The following NPTX1 variants were observed in gnomAD, a reference collection of about 807,000 sequenced individuals.
NPTX1 encodes the protein neuronal pentraxin 1.
NPTX1 carries 12 observed loss-of-function variants against 38.7 expected under a neutral mutation model. That is an observed-to-expected ratio of 0.31 (90% CI 0.20 to 0.50). NPTX1 has a LOEUF of 0.50. Among genes scored for constraint, NPTX1 ranks in the 20% least tolerant of loss-of-function variants. The pLI is 0.98. For missense variants in NPTX1, 454 were observed against 592.2 expected (o/e 0.77, Z 2.42); for synonymous variants, 272 against 264.9 (o/e 1.03, Z -0.26).
Position 80,476,507 on chromosome 17 carries a change from G to T in NPTX1, c.-61C>A. On this transcript the variant is annotated 5_prime_UTR_variant, in exon 1 of 5. Coordinates refer to ENST00000306773, the MANE Select transcript of NPTX1 (RefSeq NM_002522.4). The surrounding 1 kb of genome is among the most constrained non-coding windows in gnomAD (Gnocchi z 6.3). ...CTCGGCTGGGGCTCGGCTCCGGCTGGGACCCGGCTCGGGCTGTGGCTCCGC... is the reference window on the plus strand; with the variant it reads ...CTCGGCTGGGGCTCGGCTCCGGCTGTGACCCGGCTCGGGCTGTGGCTCCGC... 9.9e-7 allele frequency: 1 copy of T among 1,012,496 alleles called. No homozygotes were observed. Among genetic ancestry groups the T allele is most frequent in the African/African-American group, 1.7e-5 (1 of 58,366 alleles). 62.7% of individuals were successfully genotyped at this position (1,012,496 alleles called of 1,614,324 possible). A position where few individuals can be genotyped will look rare whatever the true frequency, so the allele number is the denominator to read the frequency against.
Position 80,470,893 on chromosome 17 carries a change from T to C in NPTX1, c.1219A>G (p.Ile407Val). The change falls in exon 5 of 5, where the codon ATC becomes GTC. Residue 407 changes from isoleucine (I) to valine (V), a missense_variant. Transcript: ENST00000306773. ...CSTKALSGNV[I>V]AWAESHIEIY... ...TCGATGTGGGATTCAGCCCAGGCGA[T>C]GACATTGCCGGACAGAGCCTTGGTG... 1 of 1,613,128 alleles carries C rather than the reference T, an allele frequency of 6.2e-7. No individual in the cohort carries two copies. Among genetic ancestry groups the C allele is most frequent in the Non-Finnish European group, 8.5e-7 (1 of 1,179,276 alleles).
chr17:80,471,340 G>GCCCCTGC (rs2083840931), intron 4 of NPTX1, among the ~76,000 whole-genome samples: 1 of 152,184 alleles, frequency 6.6e-6, no homozygotes, highest in Admixed American at 6.5e-5. Flanking sequence ...TGGGCCTGGG[G>GCCCCTGC]CCCCTGCCCA....
chr17:80,471,629 G>A (rs2083842620), intron 4 of NPTX1, 103 bp downstream of exon 4: 2 of 1,486,494 alleles, frequency 1.3e-6, no homozygotes, highest in South Asian at 1.3e-5. Flanking sequence ...CTTCTCAGGG[G>A]AACCACTTCT....
At position 80,476,143 on chromosome 17, in the gene NPTX1, C is replaced by T; in HGVS notation, c.304G>A (p.Ala102Thr). ...TGCTTGCGGCCGCCGCCCGCCCGGG[C>T]CTCGCCGGCTCCGGGGTCCAGCGTG... ...QSTLDPGAGE[A>T]RAGGGRKQPG... The change falls in exon 1 of 5, where the codon GCC (alanine) becomes ACC (threonine). Residue 102 changes from alanine to threonine, a missense_variant. By Grantham distance (58) the Ala-to-Thr change is moderately conservative (BLOSUM62 0). Transcript: ENST00000306773. This position sits in a 1 kb window ranked among gnomAD's most constrained non-coding sequence, Gnocchi z 6.3. 1.3e-6 allele frequency: 2 copies of T among 1,596,990 alleles called. No homozygotes were observed. The highest frequency in any genetic ancestry group is 8.5e-7 in the Non-Finnish European group (1 of 1,176,144).
chr17:80,473,795 A>G (rs966399482), intron 2 of NPTX1: 1 of 304,538 alleles, frequency 3.3e-6, no homozygotes, highest in Non-Finnish European at 6.3e-6. Flanking sequence ...CGCCAAGCCA[A>G]GTCAACCCAA....
At chr17:80,472,047 C>T in intron 3 of NPTX1, 136 bp from the exon 4 acceptor site, 1 of 835,118 alleles carries the variant, frequency 1.2e-6, no homozygotes, top group Non-Finnish European at 1.8e-6. Context: ...TCTCACAGCA[C>T]CTACTGCCCC....
In NPTX1 at chr17:80,476,255, CG is replaced by C; in HGVS notation, c.191del (p.Thr64ArgfsTer10). The C allele has an allele frequency of 6.4e-7, 1 of 1,558,450 alleles. No homozygotes were observed. Among genetic ancestry groups the C allele is most frequent in the African/African-American group, 1.4e-5 (1 of 73,182 alleles). On this transcript the variant is annotated frameshift_variant, in exon 1 of 5. Transcript: ENST00000306773. LOFTEE classifies it high-confidence loss of function. This position sits in a 1 kb window ranked among gnomAD's most constrained non-coding sequence, Gnocchi z 6.3. The part of the protein sequence containing the change: ...LRSSVLQLRE[T>X]VLQQKETILS... ...GGATGGTCTCCTTCTGCTGCAGCAC[CG>C]TCTCGCGGAGCTGCAGCACGCTGCT...
In NPTX1 at chr17:80,475,764, C is replaced by T. The variant is rs780431730; in HGVS notation, c.445-46G>A. The T allele has an allele frequency of 2.7e-6, 4 of 1,465,346 alleles. No homozygotes were observed. The highest frequency in any genetic ancestry group is 3.8e-6 in the Non-Finnish European group (4 of 1,061,662). 90.8% of individuals were successfully genotyped at this position (1,465,346 alleles called of 1,614,324 possible). A position where few individuals can be genotyped will look rare whatever the true frequency, so the allele number is the denominator to read the frequency against. On this transcript the variant is annotated intron_variant, in intron 1 of 4. Coordinates refer to ENST00000306773, the MANE Select transcript of NPTX1 (RefSeq NM_002522.4). The surrounding 1 kb of genome is among the most constrained non-coding windows in gnomAD (Gnocchi z 6.5). Reference sequence around the variant, plus strand: ...GGAAACCACACCGTTAGGCGAGGCGCGGGGACCGTGCTGGAAGGCCCGCGG... The same window carrying T: ...GGAAACCACACCGTTAGGCGAGGCGTGGGGACCGTGCTGGAAGGCCCGCGG...
chr17:80,473,116 A>G (rs2083851709), intron 3 of NPTX1, 84 bp downstream of exon 3: 1 of 1,507,250 alleles, frequency 6.6e-7, no homozygotes, highest in Admixed American at 1.9e-5. Flanking sequence ...ATCTGAGGCC[A>G]CCATAGCCCT....
chr17:80,473,182 G>GC lies in NPTX1; in HGVS notation c.897+17dup. The GC allele has an allele frequency of 6.2e-7, 1 of 1,608,822 alleles. No homozygotes were observed. The highest frequency in any genetic ancestry group is 1.3e-5 in the African/African-American group (1 of 75,036). On this transcript the variant is annotated intron_variant, in intron 3 of 4. Transcript: ENST00000306773. ...GGGGCCTCGCCCTGCCGCCCTGTGA[G>GC]CCCGGGGGCTGCTCTACCTTGTCAT...
chr17:80,476,053 G>C lies in NPTX1; in HGVS notation c.394C>G (p.Gln132Glu), dbSNP rs766815946. 6.2e-7 allele frequency: 1 copy of C among 1,609,062 alleles called. No individual in the cohort carries two copies. Among genetic ancestry groups the C allele is most frequent in the Admixed American group, 1.7e-5 (1 of 59,932 alleles). Reference protein sequence around the residue: ...SRTPAAETLSQLGQTLQSLKT... With the variant: ...SRTPAAETLSELGQTLQSLKT... ...AGCGATTGCAAAGTTTGCCCGAGTT[G>C]GCTGAGCGTCTCGGCGGCCGGTGTC... Residue 132 changes from glutamine (Q) to glutamate (E), a missense_variant, in exon 1 of 5, where the codon CAA (glutamine) becomes GAA (glutamate). Physicochemically the swap from Gln to Glu is conservative, Grantham distance 29. Around this residue, in one of 4 missense-constraint regions of NPTX1, gnomAD observed 288 missense variants for 318.4 expected, o/e 0.90. Transcript: ENST00000306773. The surrounding 1 kb of genome is among the most constrained non-coding windows in gnomAD (Gnocchi z 6.3).
rs544577828 is a variant in NPTX1 at position 80,470,706 on chromosome 17, G to A, written c.*107C>T. ...GTGCGTGTGCGTGTGCAGGGGCGACGGCCTCGGTTCATTCCTGGGGAAAAG... is the reference window on the plus strand; with the variant it reads ...GTGCGTGTGCGTGTGCAGGGGCGACAGCCTCGGTTCATTCCTGGGGAAAAG... On this transcript the variant is annotated 3_prime_UTR_variant, in exon 5 of 5. Transcript: ENST00000306773. The A allele has an allele frequency of 2.7e-4, 213 of 796,018 alleles. 1 individual carries two copies. The South Asian group carries it at 3.4e-3, about 13-fold the overall frequency. 49.3% of individuals were successfully genotyped at this position (796,018 alleles called of 1,614,324 possible).
chr17:80,475,635 C>T lies in NPTX1; in HGVS notation c.528G>A (p.Gln176=), dbSNP rs1372108616. 2 of 1,612,944 alleles carry T rather than the reference C, an allele frequency of 1.2e-6. No homozygotes were observed. Among genetic ancestry groups the T allele is most frequent in the African/African-American group, 2.7e-5 (2 of 74,938 alleles). Residue 176 remains glutamine (Q), a synonymous_variant, in exon 2 of 5, where the codon CAG becomes CAA. Coordinates refer to ENST00000306773, the MANE Select transcript of NPTX1 (RefSeq NM_002522.4). The surrounding 1 kb of genome is among the most constrained non-coding windows in gnomAD (Gnocchi z 6.5). ...LQSKIDELER[Q]VLSRVNTLEE... ...CCAGGGTGTTCACCCGGGACAGCAC[C>T]TGCCTCTCCAGCTCATCGATCTTGC...
In NPTX1 at chr17:80,475,571, T is replaced by C. The variant is rs2083875363; in HGVS notation, c.592A>G (p.Arg198Gly). 1 of 1,612,670 alleles carries C rather than the reference T, an allele frequency of 6.2e-7. No homozygotes were observed. Among genetic ancestry groups the C allele is most frequent in the African/African-American group, 1.3e-5 (1 of 74,882 alleles). Reference sequence around the variant, plus strand: ...GTCAGGGCGGTCTCGATCTTGACCCTCTCCTCGGTGTCGTTCCTGGGGCCC... The same window carrying C: ...GTCAGGGCGGTCTCGATCTTGACCCCCTCCTCGGTGTCGTTCCTGGGGCCC... ...KGGPRNDTEE[R>G]VKIETALTSL... The change falls in exon 2 of 5, where the codon AGG (arginine) becomes GGG (glycine). Residue 198 changes from arginine (R) to glycine (G), a missense_variant. Arg to Gly is a moderately radical substitution (Grantham distance 125). Coordinates refer to ENST00000306773, the MANE Select transcript of NPTX1 (RefSeq NM_002522.4). The surrounding 1 kb of genome is among the most constrained non-coding windows in gnomAD (Gnocchi z 6.5).
Position 80,475,950 on chromosome 17 carries a change from G to A in NPTX1, c.444+53C>T, listed in dbSNP as rs1286361130. 2 of 1,440,196 alleles carry A rather than the reference G, an allele frequency of 1.4e-6. No homozygotes were observed. 89.2% of individuals were successfully genotyped at this position (1,440,196 alleles called of 1,614,324 possible). A position where few individuals can be genotyped will look rare whatever the true frequency, so the allele number is the denominator to read the frequency against. Reference sequence around the variant, plus strand: ...CGGGTAGGGAACGGGGTGGGGGAGGGCAGAGGGGCGAGCGAGCCGGAGGGG... The same window carrying A: ...CGGGTAGGGAACGGGGTGGGGGAGGACAGAGGGGCGAGCGAGCCGGAGGGG... On this transcript the variant is annotated intron_variant, in intron 1 of 4. Transcript: ENST00000306773. This position sits in a 1 kb window ranked among gnomAD's most constrained non-coding sequence, Gnocchi z 6.5.
In NPTX1 at chr17:80,469,807, C is replaced by T. The variant is rs1453116456; in HGVS notation, c.*1006G>A. On this transcript the variant is annotated 3_prime_UTR_variant, in exon 5 of 5. Transcript: ENST00000306773. The stretch of plus-strand genomic sequence containing the variant: ...AACACGGCTTCTTTCCTTAAAAGGT[C>T]CCCTCTGGTCTGCACTGCCGGAGGC... The T allele has an allele frequency of 6.6e-6, 1 of 152,328 alleles. No homozygotes were observed. The highest frequency in any genetic ancestry group is 6.5e-5 in the Admixed American group (1 of 15,290). 9.4% of individuals were successfully genotyped at this position (152,328 alleles called of 1,614,324 possible).
intron 3 of NPTX1, 36 bp from the exon 4 acceptor site, chr17:80,471,947 A>G: frequency 6.4e-7 from 1 of 1,568,962 alleles, no homozygotes; most frequent in Middle Eastern, 1.7e-4. Flanking sequence ...GCTGGTGAGT[A>G]CAGGGGTACA....
In NPTX1 at chr17:80,473,310, C is replaced by G; in HGVS notation, c.787G>C (p.Ala263Pro). The change falls in exon 3 of 5, where the codon GCC (alanine) becomes CCC (proline). Residue 263 changes from alanine to proline, a missense_variant. Ala to Pro is a conservative substitution (Grantham distance 27, BLOSUM62 -1). Around this residue, in one of 4 missense-constraint regions of NPTX1, gnomAD observed 110 missense variants for 197.5 expected, o/e 0.56. Coordinates refer to ENST00000306773, the MANE Select transcript of NPTX1 (RefSeq NM_002522.4). ...FTVCMWLKSS[A>P]TPGVGTPFSY... ...AAGGGCGTGCCCACACCTGGCGTGG[C>G]GCTGGACTTGAGCCACATGCAGACA... 6.2e-7 allele frequency: 1 copy of G among 1,614,022 alleles called. No homozygotes were observed. Among genetic ancestry groups the G allele is most frequent in the African/African-American group, 1.3e-5 (1 of 75,058 alleles).
At chr17:80,471,216 G>A (rs1353941439) in intron 4 of NPTX1, among the ~76,000 whole-genome samples, 182 bp from the exon 5 acceptor site, 3 of 152,122 alleles carry the variant, frequency 2.0e-5, no homozygotes, top group Non-Finnish European at 4.4e-5. Context: ...CTCCTCTGGG[G>A]GAGCCCAAGA....
Sources: gnomAD v4.1 joint callset for allele counts (sites outside exome capture counted in the v4.1 genomes callset) on GRCh38, gnomAD v4.1.1 for gene constraint, gnomAD v4.1.1 regional missense constraint, Gnocchi (gnomAD v3.1) non-coding constraint, MANE v1.5 for transcripts, NCBI Gene and HGNC (gene_info 2026-07-23, HGNC 2026-07-21) for gene names.